SP4: variants seen among roughly 807,000 people sequenced by gnomAD.
SP4 encodes the protein Sp4 transcription factor, also known as transcription factor Sp4.
A neutral mutation model predicts 72.8 loss-of-function variants in SP4; 19 were observed. The ratio of observed to expected loss-of-function variants is 0.26; its 90% CI spans 0.18 to 0.38. The LOEUF (loss-of-function observed/expected upper bound fraction) is 0.38, where lower values mean the gene tolerates loss of function less well. SP4 is among the 10% of genes least tolerant of loss of function. The probability of loss-of-function intolerance (pLI) is 1.00; values close to 1 mark genes in which losing one functional copy is unlikely to be tolerated. For synonymous variants in SP4, 395 were observed against 333.1 expected (o/e 1.19, Z -2.02); for missense variants, 1,008 against 926.3 (o/e 1.09, Z -1.14).
At position 21,492,160 on chromosome 7, in the gene SP4, G is replaced by A. The variant is rs148557566; in HGVS notation, c.2107+10037G>A. ...TATAACAGAAAGGGAGGGTAAGGAA[G>A]CCAATAGTTAAAAAGCTGCTTTGTT... On this transcript the variant is annotated intron_variant, in intron 5 of 5. Coordinates refer to ENST00000222584, the MANE Select transcript of SP4 (RefSeq NM_003112.5). 3.9e-3 allele frequency among the ~76,000 whole-genome samples: 597 copies of A among 152,242 alleles called. 1 individual carries two copies. The highest frequency in any genetic ancestry group is 0.013 in the African/African-American group (533 of 41,550).
At chr7:21,443,467 A>T (rs1448786156) in intron 3 of SP4, among the ~76,000 whole-genome samples, 1 of 152,168 alleles carries the variant, frequency 6.6e-6, no homozygotes, top group Non-Finnish European at 1.5e-5. Context: ...AGGTATGTAA[A>T]ATTTCCAGGT....
chr7:21,447,185 G>T (rs1490858289), intron 3 of SP4, among the ~76,000 whole-genome samples: 1 of 152,150 alleles, frequency 6.6e-6, no homozygotes, highest in Non-Finnish European at 1.5e-5. Flanking sequence ...GTGTGTGATT[G>T]CTTAGGCCTG....
At position 21,430,907 on chromosome 7, in the gene SP4, C is replaced by T. The variant is rs182758344; in HGVS notation, c.1678+64C>T. On this transcript the variant is annotated intron_variant, in intron 3 of 5. Transcript: ENST00000222584. ...TTTTCATAACAATTATTGCTTTTCTCTCCTAATTCTAAGGTTTGACGTAGA... is the reference window on the plus strand; with the variant it reads ...TTTTCATAACAATTATTGCTTTTCTTTCCTAATTCTAAGGTTTGACGTAGA... 5.2e-4 allele frequency: 652 copies of T among 1,247,350 alleles called. 8 individuals carry two copies. In the East Asian group the frequency reaches 0.013, roughly 25 times the overall value. The allele number at this position is 1,247,350 out of a possible 1,614,324, so 77.3% of individuals were successfully genotyped here. A position where few individuals can be genotyped will look rare whatever the true frequency, so the allele number is the denominator to read the frequency against.
At chr7:21,458,922 A>T (rs17262825) in intron 3 of SP4, among the ~76,000 whole-genome samples, 4,203 of 152,228 alleles carry the variant, frequency 0.028, 118 homozygotes, top group Middle Eastern at 0.065. Context: ...ATGGAGTTAG[A>T]CTGATCCATG....
chr7:21,486,720 GC>G (rs1162727890), intron 5 of SP4, among the ~76,000 whole-genome samples: 4 of 152,124 alleles, frequency 2.6e-5, no homozygotes, highest in Non-Finnish European at 5.9e-5. Flanking sequence ...TGTAGGGTGT[GC>G]CACATTTCTT....
chr7:21,511,580 G>A lies in SP4; in HGVS notation c.*311G>A, dbSNP rs1245165036. On this transcript the variant is annotated 3_prime_UTR_variant, in exon 6 of 6. Coordinates refer to ENST00000222584, the MANE Select transcript of SP4 (RefSeq NM_003112.5). Reference sequence around the variant, plus strand: ...TATCATGTGTTAACATGTTTAAAAAGACCTTAGTAGTTTGCAGGCTGGACC... The same window carrying A: ...TATCATGTGTTAACATGTTTAAAAAAACCTTAGTAGTTTGCAGGCTGGACC... The A allele has an allele frequency of 4.3e-6, 1 of 233,408 alleles. No homozygotes were observed. The highest frequency in any genetic ancestry group is 5.0e-5 in the Admixed American group (1 of 20,194). 14.5% of individuals were successfully genotyped at this position (233,408 alleles called of 1,614,324 possible).
intron 3 of SP4, among the ~76,000 whole-genome samples, chr7:21,457,794 T>A (rs1270953732): frequency 6.6e-6 from 1 of 151,974 alleles, no homozygotes; most frequent in African/African-American, 2.4e-5. Context: ...TGTATGCATG[T>A]GTGTGTTTGT....
intron 3 of SP4, among the ~76,000 whole-genome samples, chr7:21,450,684 G>A (rs144874762): frequency 2.3e-4 from 35 of 152,292 alleles, no homozygotes; most frequent in Non-Finnish European, 4.1e-4. Context: ...ATATAACTTA[G>A]TAAGGAAGTT....
chr7:21,438,728 A>C (rs751653239), intron 3 of SP4, among the ~76,000 whole-genome samples: 4 of 152,244 alleles, frequency 2.6e-5, no homozygotes, highest in African/African-American at 9.6e-5. Context: ...GTTTTAAATT[A>C]CATGCCTTTC....
chr7:21,500,921 A>G (rs1390582221), intron 5 of SP4, among the ~76,000 whole-genome samples: 1 of 152,300 alleles, frequency 6.6e-6, no homozygotes, highest in East Asian at 1.9e-4. Context: ...CAAAGACTGC[A>G]CTTGGAGACA....
At chr7:21,446,461 C>T (rs1015751620) in intron 3 of SP4, among the ~76,000 whole-genome samples, 1 of 151,924 alleles carries the variant, frequency 6.6e-6, no homozygotes, top group African/African-American at 2.4e-5. Context: ...AAAAAAAGAG[C>T]TCTGTGCTAG....
chr7:21,511,316 C>G lies in SP4; in HGVS notation c.*47C>G. 2 of 1,564,082 alleles carry G rather than the reference C, an allele frequency of 1.3e-6. No individual in the cohort carries two copies. Among genetic ancestry groups the G allele is most frequent in the Admixed American group, 1.8e-5 (1 of 55,822 alleles). On this transcript the variant is annotated 3_prime_UTR_variant, in exon 6 of 6. Transcript: ENST00000222584. ...CTCTAGTGCTGCACTTGTTTACACA[C>G]CTTTGAAAATCTGGAAATGGGCTGG...
At chr7:21,508,896 A>C (rs1721185034) in intron 5 of SP4, among the ~76,000 whole-genome samples, 1 of 147,286 alleles carries the variant, frequency 6.8e-6, no homozygotes, top group South Asian at 2.1e-4. Flanking sequence ...CAACATTTGC[A>C]TTACATGTTG....
chr7:21,430,862 T>A lies in SP4; in HGVS notation c.1678+19T>A. Reference sequence around the variant, plus strand: ...GTTGCAGGTAAGTTCTGACATCTTTTTAAGTACCTTTTAAATAGTTTTTCA... The same window carrying A: ...GTTGCAGGTAAGTTCTGACATCTTTATAAGTACCTTTTAAATAGTTTTTCA... On this transcript the variant is annotated intron_variant, in intron 3 of 5. Transcript: ENST00000222584. 1 of 1,527,756 alleles carries A rather than the reference T, an allele frequency of 6.5e-7. No individual in the cohort carries two copies. The highest frequency in any genetic ancestry group is 8.9e-7 in the Non-Finnish European group (1 of 1,118,324). 94.6% of individuals were successfully genotyped at this position (1,527,756 alleles called of 1,614,324 possible).
intron 3 of SP4, among the ~76,000 whole-genome samples, chr7:21,457,378 A>G (rs551912966): frequency 2.0e-5 from 3 of 152,280 alleles, no homozygotes; most frequent in East Asian, 1.9e-4. Context: ...TGACACTTCA[A>G]TAGTGCTATC....
At chr7:21,453,776 A>G (rs1157432005) in intron 3 of SP4, among the ~76,000 whole-genome samples, 2 of 152,176 alleles carry the variant, frequency 1.3e-5, no homozygotes, top group Non-Finnish European at 2.9e-5. Flanking sequence ...TTATGCTTTT[A>G]TTCCAATGTT....
chr7:21,505,136 T>C (rs1033518425), intron 5 of SP4, among the ~76,000 whole-genome samples: 2 of 152,244 alleles, frequency 1.3e-5, no homozygotes, highest in Non-Finnish European at 2.9e-5. Flanking sequence ...TTTGATCATA[T>C]GAGTCAATCC....
intron 3 of SP4, among the ~76,000 whole-genome samples, chr7:21,455,010 T>G (rs1166044458): frequency 6.6e-6 from 1 of 152,202 alleles, no homozygotes; most frequent in Non-Finnish European, 1.5e-5. Flanking sequence ...ACTTGCCACA[T>G]CTAGAGTTTC....
At chr7:21,434,455 A>G (rs536124690) in intron 3 of SP4, among the ~76,000 whole-genome samples, 9 of 152,336 alleles carry the variant, frequency 5.9e-5, no homozygotes, top group African/African-American at 1.9e-4. Context: ...CGTGTTCAGT[A>G]TAATGTGTTT....
Sources: allele counts gnomAD v4.1 joint callset (sites outside exome capture counted in the v4.1 genomes callset), GRCh38; gene constraint gnomAD v4.1.1; transcripts MANE v1.5; gene names NCBI Gene and HGNC (gene_info 2026-07-23, HGNC 2026-07-21).